LNPEP: variants seen among roughly 807,000 people sequenced by gnomAD.
LNPEP encodes leucyl-cystinyl aminopeptidase.
In LNPEP, 64 loss-of-function variants were observed where a neutral mutation model predicts 120.6. The observed-to-expected ratio is 0.53, with a 90% CI of 0.43 to 0.65. The LOEUF (loss-of-function observed/expected upper bound fraction) is 0.65. Ranked by LOEUF, LNPEP falls within the 30% of genes least tolerant of loss-of-function variation. The pLI, the probability that LNPEP is intolerant of heterozygous loss-of-function variation, is 0.00. For synonymous variants in LNPEP, 435 were observed against 425.4 expected, an observed-to-expected ratio of 1.02 and a Z score of -0.28; for missense variants, 1,057 against 1,200.0, an observed-to-expected ratio of 0.88 and a Z score of 1.76.
rs1447929140 is a variant in LNPEP, at chr5:96,986,624, T to C, written c.1085T>C (p.Ile362Thr). 8 of 1,613,524 alleles carry C rather than the reference T, an allele frequency of 5.0e-6. No individual in the cohort carries two copies. Among genetic ancestry groups the C allele is most frequent in the Middle Eastern group, 1.6e-4 (1 of 6,078 alleles). Residue 362 changes from isoleucine (I) to threonine (T), a missense_variant, in exon 4 of 18, where the codon ATT becomes ACT. Physicochemically the swap from Ile to Thr is moderately conservative, Grantham distance 89. Transcript: ENST00000231368. ...ATGAGCACTTACTTGGTTGCTTTCA[T>C]TGTGGGAGAGATGAAGAACCTGAGT... is the stretch of plus-strand genomic sequence containing the variant. ...VKMSTYLVAF[I>T]VGEMKNLSQD... is the part of the protein sequence containing the mutation.
chr5:96,947,078 CTT>C (rs1392591860), intron 1 of LNPEP, among the ~76,000 whole-genome samples: 1 of 152,012 alleles, frequency 6.6e-6, no homozygotes, highest in Non-Finnish European at 1.5e-5. Flanking sequence ...TAAAAGTAAA[CTT>C]TTTATCTTTA....
At chr5:96,941,031 C>T (rs1017315034) in intron 1 of LNPEP, among the ~76,000 whole-genome samples, 2 of 152,104 alleles carry the variant, frequency 1.3e-5, no homozygotes, top group Non-Finnish European at 2.9e-5. Flanking sequence ...AATAATTATA[C>T]AACTCACCAT....
chr5:96,991,616 A>G lies in LNPEP; in HGVS notation c.1132-1399A>G, dbSNP rs111888553. Among the ~76,000 whole-genome samples the G allele has an allele frequency of 5.3e-3, 805 of 152,020 alleles. 11 individuals are homozygous for G. Among genetic ancestry groups the G allele is most frequent in the African/African-American group, 0.018 (750 of 41,432 alleles). On this transcript the variant is annotated intron_variant, in intron 4 of 17. Transcript: ENST00000231368. ...GTCTATTTATATATCTTCTTTGGAGAATTGTCTTTTCATGTCCTTAGCCTA... is the reference window on the plus strand; with the variant it reads ...GTCTATTTATATATCTTCTTTGGAGGATTGTCTTTTCATGTCCTTAGCCTA...
chr5:96,965,425 A>T (rs776297597), intron 1 of LNPEP, among the ~76,000 whole-genome samples: 1 of 152,044 alleles, frequency 6.6e-6, no homozygotes, highest in Non-Finnish European at 1.5e-5. Flanking sequence ...CCAAGGTATT[A>T]GGTTTTTCTT....
intron 1 of LNPEP, among the ~76,000 whole-genome samples, chr5:96,955,033 C>T (rs1372434959): frequency 5.3e-5 from 8 of 149,940 alleles, no homozygotes; most frequent in Non-Finnish European, 1.0e-4. Context: ...CCGCCTGCCT[C>T]GGCCTCCCAA....
chr5:96,981,350 C>T (rs564643133), intron 2 of LNPEP, among the ~76,000 whole-genome samples: 14 of 152,176 alleles, frequency 9.2e-5, no homozygotes, highest in Non-Finnish European at 1.9e-4. Flanking sequence ...TTTACTGATA[C>T]TTTTATTTTG....
Position 96,957,434 on chromosome 5 carries a change from A to G in LNPEP, c.19+21260A>G, listed in dbSNP as rs960117313. On this transcript the variant is annotated intron_variant, in intron 1 of 17. Transcript: ENST00000231368. ...TAATATTTTAGGTTACATAATGAAGAGGAGTTAGGTTGCAATTAGAGTTGC... is the reference window on the plus strand; with the variant it reads ...TAATATTTTAGGTTACATAATGAAGGGGAGTTAGGTTGCAATTAGAGTTGC... 3.9e-5 allele frequency among the ~76,000 whole-genome samples: 6 copies of G among 152,196 alleles called. No individual in the cohort carries two copies. In the South Asian group the frequency reaches 8.3e-4, roughly 21 times the overall value.
At chr5:96,977,697 T>G (rs1790033179) in intron 1 of LNPEP, among the ~76,000 whole-genome samples, 1 of 152,186 alleles carries the variant, frequency 6.6e-6, no homozygotes, top group Non-Finnish European at 1.5e-5. Flanking sequence ...ATGAAGAGTT[T>G]CCACCATTAC....
intron 2 of LNPEP, among the ~76,000 whole-genome samples, chr5:96,980,945 A>G (rs1441009745): frequency 6.6e-6 from 1 of 152,192 alleles, no homozygotes; most frequent in Non-Finnish European, 1.5e-5. Context: ...TTTTCCCTCT[A>G]TGTAATACTT....
intron 1 of LNPEP, chr5:96,937,080 A>G: frequency 6.6e-6 from 1 of 152,204 alleles, no homozygotes; most frequent in East Asian, 1.9e-4. Context: ...AAGTAGGAAA[A>G]CTGCCAGTAA....
chr5:96,985,260 C>CTCT, intron 3 of LNPEP, 42 bp downstream of exon 3: 1 of 1,544,326 alleles, frequency 6.5e-7, no homozygotes, highest in Non-Finnish European at 8.8e-7. Context: ...TTGAATGGGT[C>CTCT]TCTTTCTTTA....
intron 1 of LNPEP, chr5:96,958,511 T>C (rs1260336943): frequency 3.0e-6 from 3 of 984,716 alleles, no homozygotes; most frequent in East Asian, 2.2e-4. Flanking sequence ...AGGCATGTTG[T>C]GGGGACTAGT....
In LNPEP at chr5:97,031,046, C is replaced by T. The variant is rs1380093746; in HGVS notation, c.*2513C>T. On this transcript the variant is annotated 3_prime_UTR_variant, in exon 18 of 18. Transcript: ENST00000231368. ...CTTAGCCAGTGTATTTCTGAGAACTCAGACTGAAGCACAGAAGTCACAGTA... is the reference window on the plus strand; with the variant it reads ...CTTAGCCAGTGTATTTCTGAGAACTTAGACTGAAGCACAGAAGTCACAGTA... 1 of 151,858 alleles carries T rather than the reference C, an allele frequency of 6.6e-6. No individual in the cohort carries two copies. The highest frequency in any genetic ancestry group is 2.4e-5 in the African/African-American group (1 of 41,324). The allele number at this position is 151,858 out of a possible 1,614,324, so 9.4% of individuals were successfully genotyped here.
At chr5:96,992,434 T>C (rs890587418) in intron 4 of LNPEP, among the ~76,000 whole-genome samples, 2 of 152,200 alleles carry the variant, frequency 1.3e-5, no homozygotes, top group Non-Finnish European at 2.9e-5. Context: ...CCATACTTAC[T>C]GGAAGAGAAT....
chr5:97,034,201 G>A lies in LNPEP; in HGVS notation c.*5668G>A, dbSNP rs1312795575. 6.6e-6 allele frequency: 1 copy of A among 151,788 alleles called. No homozygotes were observed. Among genetic ancestry groups the A allele is most frequent in the East Asian group, 1.9e-4 (1 of 5,182 alleles). The allele number at this position is 151,788 out of a possible 1,614,324, so 9.4% of individuals were successfully genotyped here. A position where few individuals can be genotyped will look rare whatever the true frequency, so the allele number is the denominator to read the frequency against. Reference sequence around the variant, plus strand: ...CATCTGCCTATCTCCAGGAGGATGGGGTGTGCACTTTTAGAAATGTATATA... The same window carrying A: ...CATCTGCCTATCTCCAGGAGGATGGAGTGTGCACTTTTAGAAATGTATATA... On this transcript the variant is annotated 3_prime_UTR_variant, in exon 18 of 18. Coordinates refer to ENST00000231368, the MANE Select transcript of LNPEP (RefSeq NM_005575.3).
chr5:96,996,063 G>A (rs17446635), intron 6 of LNPEP: 6,527 of 168,908 alleles, frequency 0.039, 217 homozygotes, highest in Middle Eastern at 0.1. Context: ...CACTTTATGA[G>A]GTGGCCGAAA....
chr5:96,997,985 G>GAT, intron 7 of LNPEP, 29 bp from the exon 8 acceptor site: 4 of 1,461,388 alleles, frequency 2.7e-6, no homozygotes, highest in Non-Finnish European at 3.7e-6. Context: ...TACTACTTGT[G>GAT]ATATTCTAAT....
intron 1 of LNPEP, chr5:96,962,706 T>C (rs1789634311): frequency 6.6e-6 from 1 of 151,394 alleles, no homozygotes; most frequent in Non-Finnish European, 1.5e-5. Context: ...CAAATAAGCC[T>C]GTAACTGGTT....
At chr5:96,980,149 C>T (rs919748723) in intron 2 of LNPEP, among the ~76,000 whole-genome samples, 171 bp downstream of exon 2, 19 of 152,014 alleles carry the variant, frequency 1.2e-4, no homozygotes, top group East Asian at 5.8e-4. Flanking sequence ...TCTTAGTCAA[C>T]GCCTTGAGCA....
Sources: allele counts gnomAD v4.1 joint callset (sites outside exome capture counted in the v4.1 genomes callset), GRCh38; gene constraint gnomAD v4.1.1; transcripts MANE v1.5; gene names NCBI Gene and HGNC (gene_info 2026-07-23, HGNC 2026-07-21).